TXNDC5: variants seen among roughly 807,000 people sequenced by gnomAD.
TXNDC5 encodes thioredoxin domain containing 5.
Under a neutral mutation model 52.6 loss-of-function variants are expected in TXNDC5, and 44 were observed. That is an observed-to-expected ratio of 0.84 (90% confidence interval 0.66 to 1.08). The LOEUF is 1.08. Ranked by LOEUF, TXNDC5 falls within the 50% of genes least tolerant of loss-of-function variation. The pLI, the probability that TXNDC5 is intolerant of heterozygous loss-of-function variation, is 0.00. For missense variants in TXNDC5, 600 were observed against 565.5 expected, an observed-to-expected ratio of 1.06 and a Z score of -0.62; for synonymous variants, 241 against 234.4, an observed-to-expected ratio of 1.03 and a Z score of -0.26.
At chr6:7,888,895 C>T (rs1306486040) in intron 6 of TXNDC5, 47 bp from the exon 7 acceptor site, 21 of 1,550,386 alleles carry the variant, frequency 1.4e-5, no homozygotes, top group Non-Finnish European at 1.8e-5. Flanking sequence ...CTGAGGTGTT[C>T]TGAATCACTT....
intron 6 of TXNDC5, 115 bp from the exon 7 acceptor site, chr6:7,888,963 G>A: frequency 7.4e-7 from 1 of 1,351,660 alleles, no homozygotes; most frequent in African/African-American, 1.5e-5. Context: ...CTTAGCGGTG[G>A]TGCAAAGTCT....
intron 5 of TXNDC5, 80 bp from the exon 6 acceptor site, chr6:7,889,661 C>A (rs60084141): frequency 1.9e-6 from 2 of 1,076,856 alleles, no homozygotes; most frequent in African/African-American, 1.6e-5. Context: ...ACACTTTGTA[C>A]GTTACAAATA....
intron 1 of TXNDC5, among the ~76,000 whole-genome samples, chr6:7,907,165 C>CTTTTTTTT (rs55914910): frequency 0.045 from 6,416 of 143,608 alleles, 223 homozygotes; most frequent in East Asian, 0.1. Flanking sequence ...TTTTTTTTCC[C>CTTTTTTTT]TTTTTTTTTT....
At chr6:7,907,433 C>T (rs1267227675) in intron 1 of TXNDC5, among the ~76,000 whole-genome samples, 2 of 152,146 alleles carry the variant, frequency 1.3e-5, no homozygotes, top group Admixed American at 6.5e-5. Context: ...ACCTCACTGT[C>T]ACCAGGTTCA....
In TXNDC5 at chr6:7,886,500, C is replaced by T. The variant is rs147235970; in HGVS notation, c.964-457G>A. Among the ~76,000 whole-genome samples, 711 of 152,328 alleles carry T rather than the reference C, an allele frequency of 4.7e-3. 2 individuals are homozygous for T. The highest frequency in any genetic ancestry group is 6.8e-3 in the Middle Eastern group (2 of 294). On this transcript the variant is annotated intron_variant, in intron 7 of 9. Coordinates refer to ENST00000379757, the MANE Select transcript of TXNDC5 (RefSeq NM_030810.5). ...TTTTCTCACTGGCCACCCTATTCTC[C>T]TAGCACCCTTTGTGACATCCTCTCT...
At chr6:7,895,351 G>A (rs1274585491) in intron 3 of TXNDC5, 149 bp from the exon 4 acceptor site, 4 of 691,784 alleles carry the variant, frequency 5.8e-6, no homozygotes, top group East Asian at 5.6e-5. Context: ...TGTGCTGAGT[G>A]AGGCCAGGTC....
At chr6:7,905,848 C>G (rs941110081) in intron 1 of TXNDC5, among the ~76,000 whole-genome samples, 1 of 152,168 alleles carries the variant, frequency 6.6e-6, no homozygotes, top group East Asian at 1.9e-4. Flanking sequence ...AACACACTTG[C>G]TTATATGAAC....
intron 5 of TXNDC5, among the ~76,000 whole-genome samples, chr6:7,890,913 T>A (rs1760168283): frequency 6.6e-6 from 1 of 152,112 alleles, no homozygotes; most frequent in African/African-American, 2.4e-5. Flanking sequence ...CTTTTGACCA[T>A]CTCACCATCC....
Position 7,882,069 on chromosome 6 carries a change from TCTTTGGTCTTGAGATC to T in TXNDC5, c.*1059_*1074del, listed in dbSNP as rs1007359346. 6.5e-6 allele frequency: 1 copy of T among 152,692 alleles called. No individual in the cohort carries two copies. The highest frequency in any genetic ancestry group is 2.4e-5 in the African/African-American group (1 of 41,452). 9.5% of individuals were successfully genotyped at this position (152,692 alleles called of 1,614,324 possible). A position where few individuals can be genotyped will look rare whatever the true frequency, so the allele number is the denominator to read the frequency against. ...GGCCAGAGCAGCCCACTGACATCTGTCTTTGGTCTTGAGATCAAATGCATCCCATTCTTCATACATT... is the reference window on the plus strand; with the variant it reads ...GGCCAGAGCAGCCCACTGACATCTGTAAATGCATCCCATTCTTCATACATT... On this transcript the variant is annotated 3_prime_UTR_variant, in exon 10 of 10. Coordinates refer to ENST00000379757, the MANE Select transcript of TXNDC5 (RefSeq NM_030810.5).
intron 3 of TXNDC5, 87 bp from the exon 4 acceptor site, chr6:7,895,289 G>T: frequency 8.8e-7 from 1 of 1,130,870 alleles, no homozygotes; most frequent in Non-Finnish European, 1.3e-6. Context: ...GTGGGGAACC[G>T]CCTGCAGATG....
intron 1 of TXNDC5, chr6:7,910,003 A>G: frequency 2.0e-6 from 2 of 985,708 alleles, no homozygotes; most frequent in Non-Finnish European, 2.4e-6. Flanking sequence ...TGACATTTGG[A>G]CTCCCGGCTG....
intron 2 of TXNDC5, 124 bp from the exon 3 acceptor site, chr6:7,899,805 C>T (rs746892825): frequency 1.8e-6 from 1 of 570,810 alleles, no homozygotes; most frequent in Non-Finnish European, 3.0e-6. Flanking sequence ...TGTATCTGCT[C>T]CTCTCTGATA....
Position 7,883,204 on chromosome 6 carries a change from T to C in TXNDC5, c.1239A>G (p.Gly413=), listed in dbSNP as rs1371328851. Residue 413 remains glycine (G), a synonymous_variant, in exon 10 of 10, where the codon GGA becomes GGG. Coordinates refer to ENST00000379757, the MANE Select transcript of TXNDC5 (RefSeq NM_030810.5). ...GGTGTAACGAGTCAAGGTCTCTGCCTCCACTGTGCTCACTGACTTTCTTCC... is the reference window on the plus strand; with the variant it reads ...GGTGTAACGAGTCAAGGTCTCTGCCCCCACTGTGCTCACTGACTTTCTTCC... ...RGGKKVSEHS[G]GRDLDSLHRF... is the part of the protein sequence containing the mutation. 1.2e-6 allele frequency: 2 copies of C among 1,614,086 alleles called. No individual in the cohort carries two copies. Among genetic ancestry groups the C allele is most frequent in the East Asian group, 2.2e-5 (1 of 44,900 alleles).
At chr6:7,883,650 C>A (rs1041394784) in intron 9 of TXNDC5, among the ~76,000 whole-genome samples, 7 of 152,132 alleles carry the variant, frequency 4.6e-5, no homozygotes, top group Admixed American at 3.3e-4. Context: ...GTCTGCAGAC[C>A]AGACCATGAG....
At chr6:7,906,487 G>A (rs1352934242) in intron 1 of TXNDC5, among the ~76,000 whole-genome samples, 10 of 124,638 alleles carry the variant, frequency 8.0e-5, no homozygotes, top group Admixed American at 6.6e-4. Flanking sequence ...AGTGAGCCGA[G>A]ACCATGCTAT....
chr6:7,910,478 A>C (rs753742672), intron 1 of TXNDC5, 36 bp downstream of exon 1: 3 of 1,377,344 alleles, frequency 2.2e-6, no homozygotes, highest in Non-Finnish European at 2.9e-6. Context: ...GCGAAGCGCC[A>C]AGTGCGGGGC....
chr6:7,883,183 TA>T lies in TXNDC5; in HGVS notation c.1259del (p.Leu420TyrfsTer6). On this transcript the variant is annotated frameshift_variant, in exon 10 of 10. Coordinates refer to ENST00000379757, the MANE Select transcript of TXNDC5 (RefSeq NM_030810.5). LOFTEE classifies it high-confidence loss of function. ...EHSGGRDLDS[L>X]HRFVLSQAKD... Reference sequence around the variant, plus strand: ...TCGCTTGGCTCAGGACAAAGCGGTGTAACGAGTCAAGGTCTCTGCCTCCACT... The same window carrying T: ...TCGCTTGGCTCAGGACAAAGCGGTGTACGAGTCAAGGTCTCTGCCTCCACT... The T allele has an allele frequency of 6.2e-7, 1 of 1,614,198 alleles. No individual in the cohort carries two copies. The highest frequency in any genetic ancestry group is 8.5e-7 in the Non-Finnish European group (1 of 1,180,022).
At chr6:7,901,492 A>G (rs1426103951) in intron 2 of TXNDC5, among the ~76,000 whole-genome samples, 1 of 152,202 alleles carries the variant, frequency 6.6e-6, no homozygotes, top group African/African-American at 2.4e-5. Flanking sequence ...ATAATTTAAA[A>G]AAAACCATCT....
At chr6:7,909,780 C>G in intron 1 of TXNDC5, 1 of 986,058 alleles carries the variant, frequency 1.0e-6, no homozygotes, top group Non-Finnish European at 1.2e-6. Context: ...TCCTTCCTAT[C>G]CCACAAAAGA....
Sources: gnomAD v4.1 joint callset for allele counts (sites outside exome capture counted in the v4.1 genomes callset) on GRCh38, gnomAD v4.1.1 for gene constraint, MANE v1.5 for transcripts, NCBI Gene and HGNC (gene_info 2026-07-23, HGNC 2026-07-21) for gene names.